The following RNF14 variants were observed in gnomAD, a reference collection of about 807,000 sequenced individuals.
RNF14 encodes ring finger protein 14.
Under a neutral mutation model 52.6 loss-of-function variants are expected in RNF14, and 26 were observed. That is an observed-to-expected ratio of 0.49 (90% confidence interval 0.36 to 0.69). The LOEUF (loss-of-function observed/expected upper bound fraction) is 0.69, where lower values mean the gene tolerates loss of function less well. Among genes scored for constraint, RNF14 ranks in the 30% least tolerant of loss-of-function variants. The probability of loss-of-function intolerance (pLI) is 0.00; values close to 1 mark genes in which losing one functional copy is unlikely to be tolerated. For synonymous variants in RNF14, 194 were observed against 202.0 expected (o/e 0.96, Z 0.34); for missense variants, 404 against 560.4 (o/e 0.72, Z 2.82).
At chr5:141,955,251 C>A, upstream of RNF14, 2 of 1,614,220 alleles carry the variant, frequency 1.2e-6, no homozygotes, top group Non-Finnish European at 1.7e-6. This position sits in a 1 kb window ranked among gnomAD's most constrained non-coding sequence, Gnocchi z 5.5. Flanking sequence ...CAGGCTGGGG[C>A]TCGGGAAGGT....
chr5:141,978,188 ATAGTGT>A, intron 4 of RNF14, 109 bp from the exon 5 acceptor site: 1 of 849,040 alleles, frequency 1.2e-6, no homozygotes, highest in Non-Finnish European at 1.9e-6. Context: ...GCAGTAAAAA[ATAGTGT>A]TAGAATAAGG....
At chr5:141,974,734 C>T (rs966668121) in intron 3 of RNF14, 70 bp from the exon 4 acceptor site, 25 of 1,431,650 alleles carry the variant, frequency 1.7e-5, no homozygotes, top group South Asian at 1.3e-4. Context: ...CTTTCTTGAG[C>T]GCTGCTCAAC....
chr5:141,976,382 T>C (rs746030152), intron 4 of RNF14, among the ~76,000 whole-genome samples: 19 of 152,326 alleles, frequency 1.2e-4, no homozygotes, highest in Non-Finnish European at 1.9e-4. Flanking sequence ...TGGTTTCAGA[T>C]TCCAGCCAAC....
upstream of RNF14, among the ~76,000 whole-genome samples, chr5:141,966,184 G>A (rs1753344798): frequency 6.6e-6 from 1 of 152,076 alleles, no homozygotes; most frequent in African/African-American, 2.4e-5. Flanking sequence ...AGGAGGCTGA[G>A]GCACGAGAAT....
chr5:141,974,951 C>T lies in RNF14; in HGVS notation c.302C>T (p.Thr101Ile). The change falls in exon 4 of 9, where the codon ACT becomes ATT. Residue 101 changes from threonine to isoleucine, a missense_variant. By Grantham distance (89) the Thr-to-Ile change is moderately conservative. Transcript: ENST00000394520. Reference protein sequence around the residue: ...FTLSGKWLSPTQLSALCKHLD... With the variant: ...FTLSGKWLSPIQLSALCKHLD... ...CTTAGTGGCAAATGGCTGTCACCAA[C>T]TCAGGTTAGACTTGAAACTTAATTT... 6.2e-7 allele frequency: 1 copy of T among 1,613,532 alleles called. No individual in the cohort carries two copies. Among genetic ancestry groups the T allele is most frequent in the Non-Finnish European group, 8.5e-7 (1 of 1,179,876 alleles).
chr5:141,970,977 T>C (rs1353511505), intron 2 of RNF14, 100 bp downstream of exon 2: 1 of 152,358 alleles, frequency 6.6e-6, no homozygotes, highest in Non-Finnish European at 1.5e-5. Context: ...AAAGTGTTTT[T>C]TGAAAATGAA....
intron 5 of RNF14, among the ~76,000 whole-genome samples, chr5:141,979,264 G>T (rs1754549493): frequency 6.6e-6 from 1 of 151,302 alleles, no homozygotes; most frequent in African/African-American, 2.5e-5. Flanking sequence ...TTGTTGTTTT[G>T]TTTGAGATGG....
At chr5:141,949,339 A>G in the RNF14 span, 47 of 1,492,772 alleles carry the variant, frequency 3.1e-5, no homozygotes, top group Non-Finnish European at 4.2e-5. Flanking sequence ...CAGAAACAGA[A>G]TGGCTTTTCC....
chr5:141,955,182 C>T (rs762204744), upstream of RNF14: 1 of 1,614,222 alleles, frequency 6.2e-7, no homozygotes, highest in Non-Finnish European at 8.5e-7. This position sits in a 1 kb window ranked among gnomAD's most constrained non-coding sequence, Gnocchi z 5.5. Flanking sequence ...GGTCTCCAGC[C>T]AGCCTCCCTG....
At chr5:141,962,781 A>T (rs1753285257), upstream of RNF14, among the ~76,000 whole-genome samples, 1 of 152,194 alleles carries the variant, frequency 6.6e-6, no homozygotes, top group Non-Finnish European at 1.5e-5. Flanking sequence ...ATGGACCCAA[A>T]ACTGGACCAC....
rs1755498743 is a variant in RNF14 at position 141,989,837 on chromosome 5, A to T, written c.*2047A>T. 6.6e-6 allele frequency: 1 copy of T among 152,222 alleles called. No homozygotes were observed. Among genetic ancestry groups the T allele is most frequent in the African/African-American group, 2.4e-5 (1 of 41,452 alleles). 9.4% of individuals were successfully genotyped at this position (152,222 alleles called of 1,614,324 possible). Reference sequence around the variant, plus strand: ...AATTCAGATTTATTCAGAAAGAGCTACTCAGAAGCTCTATAGTTCGTGAGC... The same window carrying T: ...AATTCAGATTTATTCAGAAAGAGCTTCTCAGAAGCTCTATAGTTCGTGAGC... On this transcript the variant is annotated 3_prime_UTR_variant, in exon 9 of 9. Transcript: ENST00000394520.
the RNF14 span, chr5:141,951,734 G>A: frequency 3.0e-6 from 2 of 676,214 alleles, no homozygotes; most frequent in African/African-American, 3.6e-5. Flanking sequence ...GGGGGATGGT[G>A]CCCAGTGACA....
chr5:141,976,120 T>C (rs1754226081), intron 4 of RNF14, among the ~76,000 whole-genome samples: 1 of 152,162 alleles, frequency 6.6e-6, no homozygotes, highest in Admixed American at 6.5e-5. Flanking sequence ...ATAACACAGG[T>C]AGAATAAAAA....
At chr5:141,978,036 C>G (rs914328787) in intron 4 of RNF14, among the ~76,000 whole-genome samples, 1 of 152,188 alleles carries the variant, frequency 6.6e-6, no homozygotes, top group Non-Finnish European at 1.5e-5. Context: ...CTCTACCTTA[C>G]GGAGTCTTGC....
chr5:141,966,726 T>G (rs1213962644), upstream of RNF14: 1 of 152,224 alleles, frequency 6.6e-6, no homozygotes, highest in Non-Finnish European at 1.5e-5. Context: ...TTCAGTAAAT[T>G]ATTAACACTG....
At chr5:141,957,959 C>T, upstream of RNF14, 1 of 1,307,030 alleles carries the variant, frequency 7.7e-7, no homozygotes, top group Non-Finnish European at 1.0e-6. The surrounding 1 kb of genome is among the most constrained non-coding windows in gnomAD (Gnocchi z 4.3). Flanking sequence ...CTCCTTCCCC[C>T]AGAGCTGCCG....
At chr5:141,979,155 G>GA (rs1754524509) in intron 5 of RNF14, among the ~76,000 whole-genome samples, 1 of 152,238 alleles carries the variant, frequency 6.6e-6, no homozygotes, top group Admixed American at 6.5e-5. Flanking sequence ...GTTGGCATCT[G>GA]AAGGGGACGT....
At chr5:141,953,652 G>A (rs1362633509), upstream of RNF14, among the ~76,000 whole-genome samples, 5 of 152,244 alleles carry the variant, frequency 3.3e-5, no homozygotes. Flanking sequence ...CTGTTGTCCT[G>A]TCTACCAGCA....
At position 141,987,824 on chromosome 5, in the gene RNF14, T is replaced by A. The variant is rs1352502419; in HGVS notation, c.*34T>A. ...TGCTCAAGATATGGAAGTGGATTGT[T>A]TTTCCCTAATCTTCCGTCAAGTACA... On this transcript the variant is annotated 3_prime_UTR_variant, in exon 9 of 9. Transcript: ENST00000394520. 6.3e-7 allele frequency: 1 copy of A among 1,594,226 alleles called. No individual in the cohort carries two copies.
Sources: allele counts gnomAD v4.1 joint callset (sites outside exome capture counted in the v4.1 genomes callset), GRCh38; gene constraint gnomAD v4.1.1; non-coding constraint Gnocchi (gnomAD v3.1); transcripts MANE v1.5; gene names NCBI Gene and HGNC (gene_info 2026-07-23, HGNC 2026-07-21).